The following SENP7 variants were observed in gnomAD, a reference collection of about 807,000 sequenced individuals.
SENP7 encodes SUMO specific peptidase 7, also known as sentrin-specific protease 7.
SENP7 carries 64 observed loss-of-function variants against 141.2 expected under a neutral mutation model. The observed-to-expected ratio is 0.45, with a 90% confidence interval of 0.37 to 0.56. The LOEUF (loss-of-function observed/expected upper bound fraction) is 0.56, where lower values mean the gene tolerates loss of function less well. Ranked by LOEUF, SENP7 falls within the 20% of genes least tolerant of loss-of-function variation. The probability of loss-of-function intolerance (pLI) is 0.00; values close to 1 mark genes in which losing one functional copy is unlikely to be tolerated. For synonymous variants in SENP7, 382 were observed against 426.4 expected, an observed-to-expected ratio of 0.90 and a Z score of 1.28; for missense variants, 1,025 against 1,212.2, an observed-to-expected ratio of 0.85 and a Z score of 2.29.
intron 1 of SENP7, among the ~76,000 whole-genome samples, chr3:101,504,374 G>A (rs953372841): frequency 2.7e-5 from 4 of 150,414 alleles, no homozygotes; most frequent in Non-Finnish European, 4.4e-5. Flanking sequence ...CAGGAAAATC[G>A]CTCAAACCCA....
rs975255875 is a variant in SENP7, at chr3:101,361,715, T to G, written c.1623A>C (p.Thr541=). The part of the protein sequence containing the change: ...KIKGASKGCV[T]ITKKYIKIPF... Reference sequence around the variant, plus strand: ...AGAAAATTAAAGAAAATATACTTACTGTAACACAACCTTTAGAAGCTCCTT... The same window carrying G: ...AGAAAATTAAAGAAAATATACTTACGGTAACACAACCTTTAGAAGCTCCTT... The change falls in exon 11 of 24, where the codon ACA becomes ACC. Residue 541 remains threonine, a splice_region_variant and synonymous_variant. Transcript: ENST00000394095. The G allele has an allele frequency of 6.4e-7, 1 of 1,559,810 alleles. No individual in the cohort carries two copies. The highest frequency in any genetic ancestry group is 8.6e-7 in the Non-Finnish European group (1 of 1,161,574).
intron 15 of SENP7, chr3:101,340,433 C>T (rs1195843277): frequency 2.0e-6 from 1 of 503,704 alleles, no homozygotes; most frequent in African/African-American, 2.0e-5. Flanking sequence ...CCAATACTTC[C>T]CATGTGGGCT....
chr3:101,363,536 T>C (rs1235266509), intron 10 of SENP7, among the ~76,000 whole-genome samples: 1 of 152,238 alleles, frequency 6.6e-6, no homozygotes, highest in Non-Finnish European at 1.5e-5. Context: ...GATCATTTCA[T>C]ACTACATTGT....
Position 101,367,046 on chromosome 3 carries a change from A to G in SENP7, c.979-277T>C, listed in dbSNP as rs191712843. Among the ~76,000 whole-genome samples, 329 of 152,302 alleles carry G rather than the reference A, an allele frequency of 2.2e-3. 2 individuals carry two copies. Among genetic ancestry groups the G allele is most frequent in the African/African-American group, 7.3e-3 (304 of 41,580 alleles). ...TTGTCAGACGGTCTCCCATGATCTA[A>G]GTCAACTTTAGAATGAGAAGATGTA... On this transcript the variant is annotated intron_variant, in intron 8 of 23. Transcript: ENST00000394095.
intron 13 of SENP7, among the ~76,000 whole-genome samples, chr3:101,345,807 T>C (rs577028750): frequency 6.6e-6 from 1 of 152,282 alleles, no homozygotes; most frequent in African/African-American, 2.4e-5. Flanking sequence ...CATGGAACTA[T>C]AAAAATTCTA....
At chr3:101,354,489 T>C (rs1014371269) in intron 11 of SENP7, among the ~76,000 whole-genome samples, 3 of 152,092 alleles carry the variant, frequency 2.0e-5, no homozygotes, top group Admixed American at 6.6e-5. Flanking sequence ...CTCCCACTTA[T>C]AACTGAGAAT....
chr3:101,484,197 C>G (rs1299051340), intron 3 of SENP7, among the ~76,000 whole-genome samples: 2 of 152,032 alleles, frequency 1.3e-5, no homozygotes, highest in Non-Finnish European at 2.9e-5. Flanking sequence ...ATAAGCTGGG[C>G]TTCATTAAAA....
intron 6 of SENP7, among the ~76,000 whole-genome samples, chr3:101,382,756 G>A (rs2060539543): frequency 6.6e-6 from 1 of 152,172 alleles, no homozygotes; most frequent in Non-Finnish European, 1.5e-5. Context: ...AACAGTAGCT[G>A]GCTGACTTAT....
intron 4 of SENP7, among the ~76,000 whole-genome samples, chr3:101,426,604 C>T (rs1396529202): frequency 2.0e-5 from 3 of 151,944 alleles, no homozygotes; most frequent in Non-Finnish European, 2.9e-5. Context: ...CTCAGCCTCC[C>T]GAGTAGCTGG....
intron 17 of SENP7, among the ~76,000 whole-genome samples, chr3:101,333,759 C>CT (rs2059115470): frequency 6.6e-6 from 1 of 152,074 alleles, no homozygotes; most frequent in Non-Finnish European, 1.5e-5. Context: ...CTACACTGCC[C>CT]TAGAAGTATT....
chr3:101,463,060 A>C (rs1440808676), intron 3 of SENP7, among the ~76,000 whole-genome samples: 1 of 151,750 alleles, frequency 6.6e-6, no homozygotes, highest in Non-Finnish European at 1.5e-5. Context: ...CACATCAATA[A>C]CAAAGACTAA....
At chr3:101,379,824 T>C (rs1338045044) in intron 6 of SENP7, among the ~76,000 whole-genome samples, 2 of 152,176 alleles carry the variant, frequency 1.3e-5, no homozygotes, top group African/African-American at 2.4e-5. Flanking sequence ...TACTTCTGGA[T>C]ATATACCCAA....
intron 3 of SENP7, among the ~76,000 whole-genome samples, chr3:101,474,399 C>T (rs1050361518): frequency 6.6e-5 from 10 of 152,134 alleles, no homozygotes; most frequent in Non-Finnish European, 1.3e-4. Context: ...TCTTTCACCT[C>T]CCTCCTTAGA....
chr3:101,333,007 A>C, intron 17 of SENP7, 145 bp from the exon 18 acceptor site: 1 of 736,812 alleles, frequency 1.4e-6, no homozygotes, highest in African/African-American at 1.9e-5. Flanking sequence ...CATTATAAAT[A>C]TATCTCCTTA....
intron 4 of SENP7, among the ~76,000 whole-genome samples, chr3:101,428,968 T>C (rs2107704722): frequency 6.6e-6 from 1 of 152,338 alleles, no homozygotes; most frequent in Admixed American, 6.5e-5. Context: ...CATTGCTTGT[T>C]TTTGTCAGGT....
chr3:101,438,748 A>G (rs945454837), intron 4 of SENP7, among the ~76,000 whole-genome samples: 5 of 152,212 alleles, frequency 3.3e-5, no homozygotes, highest in Admixed American at 3.3e-4. Context: ...ATTGTCCTAT[A>G]AGGGCGTGAC....
chr3:101,485,911 G>GA lies in SENP7; in HGVS notation c.186+7961dup, dbSNP rs1300170758. On this transcript the variant is annotated intron_variant, in intron 3 of 23. Coordinates refer to ENST00000394095, the MANE Select transcript of SENP7 (RefSeq NM_020654.5). The stretch of plus-strand genomic sequence containing the variant: ...TATTCAAGGAAATAGATCGCTTAAA[G>GA]AAAAAAAACAATAAAAAGTTCAGGA... Among the ~76,000 whole-genome samples the GA allele has an allele frequency of 9.9e-5, 15 of 151,846 alleles. No individual in the cohort carries two copies. The East Asian group carries it at 1.5e-3, about 16-fold the overall frequency.
chr3:101,338,163 A>T (rs995104289), intron 16 of SENP7, among the ~76,000 whole-genome samples: 2 of 152,030 alleles, frequency 1.3e-5, no homozygotes, highest in Non-Finnish European at 2.9e-5. Context: ...AAAAAAAAAA[A>T]AAAAAATTAA....
In SENP7 at chr3:101,364,849, T is replaced by C. The variant is rs756784830; in HGVS notation, c.1461A>G (p.Thr487=). 7 of 1,593,974 alleles carry C rather than the reference T, an allele frequency of 4.4e-6. No homozygotes were observed. Among genetic ancestry groups the C allele is most frequent in the Non-Finnish European group, 6.0e-6 (7 of 1,168,822 alleles). The change falls in exon 10 of 24, where the codon ACA becomes ACG. Residue 487 remains threonine, a synonymous_variant. Coordinates refer to ENST00000394095, the MANE Select transcript of SENP7 (RefSeq NM_020654.5). ...ESALLELPLI[T]CESVQMSSEL... is the part of the protein sequence containing the mutation. ...AATAAATTACCTGTACAGATTCACA[T>C]GTAATCAATGGTAGTTCTAACAATG... is the stretch of plus-strand genomic sequence containing the variant.
Sources: allele counts gnomAD v4.1 joint callset (sites outside exome capture counted in the v4.1 genomes callset), GRCh38; gene constraint gnomAD v4.1.1; transcripts MANE v1.5; gene names NCBI Gene and HGNC (gene_info 2026-07-23, HGNC 2026-07-21).